SGIP1: variants seen among roughly 807,000 people sequenced by gnomAD.
The protein encoded by SGIP1 is SH3GL interacting endocytic adaptor 1, also known as SH3-containing GRB2-like protein 3-interacting protein 1.
SGIP1 carries 38 observed loss-of-function variants against 107.5 expected under a neutral mutation model. That is an observed-to-expected ratio of 0.35 (90% CI 0.27 to 0.46). The LOEUF (loss-of-function observed/expected upper bound fraction) is 0.46, where lower values mean the gene tolerates loss of function less well. Among genes scored for constraint, SGIP1 ranks in the 20% least tolerant of loss-of-function variants. The probability of loss-of-function intolerance (pLI) is 1.00; values close to 1 mark genes in which losing one functional copy is unlikely to be tolerated. For missense variants in SGIP1, 929 were observed against 1,019.5 expected, an observed-to-expected ratio of 0.91 and a Z score of 1.21; for synonymous variants, 365 against 366.1, an observed-to-expected ratio of 1.00 and a Z score of 0.03.
chr1:66,693,284 A>AAATAAATAAATAAATAAATG (rs1479297873), intron 17 of SGIP1, among the ~76,000 whole-genome samples: 67 of 151,386 alleles, frequency 4.4e-4, no homozygotes, highest in African/African-American at 1.5e-3. Flanking sequence ...ATAAATAAAT[A>AAATAAATAAATAAATAAATG]AAAAACAGTA....
At chr1:66,541,412 G>T (rs2054909990) in intron 1 of SGIP1, among the ~76,000 whole-genome samples, 1 of 152,210 alleles carries the variant, frequency 6.6e-6, no homozygotes, top group South Asian at 2.1e-4. Context: ...TGCCCCTTGG[G>T]CTCATTCTTC....
rs905531184 is a variant in SGIP1 at position 66,743,188 on chromosome 1, A to G, written c.*93A>G. On this transcript the variant is annotated 3_prime_UTR_variant, in exon 25 of 25. Coordinates refer to ENST00000371037, the MANE Select transcript of SGIP1 (RefSeq NM_032291.4). ...ATTTTGGTTTGATGAAAACAAACCA[A>G]TATCTGCACTTGGGATATATCAGGT... is the stretch of plus-strand genomic sequence containing the variant. The G allele has an allele frequency of 1.2e-5, 15 of 1,301,150 alleles. No homozygotes were observed. The highest frequency in any genetic ancestry group is 2.9e-5 in the African/African-American group (2 of 68,544). 80.6% of individuals were successfully genotyped at this position (1,301,150 alleles called of 1,614,324 possible).
chr1:66,630,909 AGGGAGGGAGGGAGGAAGGAAGGAAG>A (rs1558134829), intron 2 of SGIP1, among the ~76,000 whole-genome samples: 9 of 48,166 alleles, frequency 1.9e-4, no homozygotes, highest in South Asian at 3.0e-3. Flanking sequence ...GAAAGAAGGG[AGGGAGGGAGGGAGGAAGGAAGGAAG>A]GAAAGAAAGA....
chr1:66,570,335 T>C (rs1454990979), intron 1 of SGIP1, among the ~76,000 whole-genome samples: 1 of 151,888 alleles, frequency 6.6e-6, no homozygotes, highest in Non-Finnish European at 1.5e-5. Flanking sequence ...AGTTGATTCC[T>C]CCATTGCTAT....
intron 1 of SGIP1, chr1:66,616,068 G>A (rs1017482423): frequency 6.6e-6 from 1 of 152,166 alleles, no homozygotes; most frequent in Admixed American, 6.5e-5. Flanking sequence ...CAAAGAGAAG[G>A]CTTCATCAAT....
At chr1:66,601,274 A>G (rs1468394278) in intron 1 of SGIP1, among the ~76,000 whole-genome samples, 4 of 152,196 alleles carry the variant, frequency 2.6e-5, no homozygotes, top group Non-Finnish European at 5.9e-5. Context: ...CTGAGTCAGG[A>G]GAATGGCGTG....
intron 16 of SGIP1, among the ~76,000 whole-genome samples, chr1:66,689,733 A>C (rs1190837771): frequency 6.6e-6 from 1 of 152,248 alleles, no homozygotes; most frequent in Non-Finnish European, 1.5e-5. Flanking sequence ...TTTAAGGCTG[A>C]GGAGTGGAAA....
At chr1:66,726,574 A>G (rs1306860196) in intron 19 of SGIP1, among the ~76,000 whole-genome samples, 1 of 152,220 alleles carries the variant, frequency 6.6e-6, no homozygotes. Context: ...GAATCCAGAA[A>G]TTGACTCACA....
At chr1:66,689,055 A>T (rs113054758) in intron 15 of SGIP1, 93 bp from the exon 16 acceptor site, 2 of 1,450,928 alleles carry the variant, frequency 1.4e-6, no homozygotes. Context: ...GGCAAAAAAA[A>T]AAAAAAAAAT....
chr1:66,723,403 A>C (rs1411289761), intron 19 of SGIP1, among the ~76,000 whole-genome samples: 2 of 152,176 alleles, frequency 1.3e-5, no homozygotes. Context: ...TCTGACATGT[A>C]AGACTTTCTC....
chr1:66,628,019 T>C (rs530398400), intron 2 of SGIP1, among the ~76,000 whole-genome samples: 203 of 151,842 alleles, frequency 1.3e-3, no homozygotes, highest in Non-Finnish European at 2.1e-3. Context: ...GTCCTCGCGA[T>C]AGTTTGCTGA....
intron 15 of SGIP1, among the ~76,000 whole-genome samples, chr1:66,682,866 C>A (rs2087106758): frequency 6.6e-6 from 1 of 151,236 alleles, no homozygotes; most frequent in South Asian, 2.1e-4. Flanking sequence ...GTGGAAGAAC[C>A]ACGTTAACCC....
At chr1:66,575,625 A>G (rs2060958986) in intron 1 of SGIP1, among the ~76,000 whole-genome samples, 2 of 152,268 alleles carry the variant, frequency 1.3e-5, no homozygotes, top group Admixed American at 1.3e-4. Flanking sequence ...GTTTTCACCA[A>G]TAGAAAAATG....
intron 1 of SGIP1, among the ~76,000 whole-genome samples, chr1:66,607,428 G>A (rs1359597300): frequency 6.6e-6 from 1 of 152,196 alleles, no homozygotes; most frequent in Non-Finnish European, 1.5e-5. Context: ...GCCCACCATT[G>A]GCCACTAGCT....
intron 1 of SGIP1, among the ~76,000 whole-genome samples, chr1:66,549,693 G>A (rs753787778): frequency 5.9e-5 from 9 of 152,144 alleles, no homozygotes; most frequent in Non-Finnish European, 1.0e-4. Flanking sequence ...CTTGCTACAA[G>A]ATGATACCAA....
intron 1 of SGIP1, among the ~76,000 whole-genome samples, chr1:66,617,279 C>T (rs2069587772): frequency 6.6e-6 from 1 of 152,088 alleles, no homozygotes; most frequent in South Asian, 2.1e-4. Flanking sequence ...CTCTTATACC[C>T]TAGGCAGTAG....
chr1:66,671,075 C>A, intron 10 of SGIP1, 56 bp downstream of exon 10: 1 of 902,170 alleles, frequency 1.1e-6, no homozygotes, highest in Non-Finnish European at 1.7e-6. Flanking sequence ...AGAACAGTTC[C>A]TTGGATCTTG....
chr1:66,686,431 T>C (rs1402899967), intron 15 of SGIP1, among the ~76,000 whole-genome samples: 1 of 152,224 alleles, frequency 6.6e-6, no homozygotes, highest in Non-Finnish European at 1.5e-5. Context: ...ACAGTGTTGC[T>C]GTCCAAATCA....
chr1:66,705,943 C>T (rs1024755756), intron 18 of SGIP1, among the ~76,000 whole-genome samples: 4 of 151,842 alleles, frequency 2.6e-5, no homozygotes, highest in South Asian at 2.1e-4. Context: ...AACTGGGTGA[C>T]GGGTTGACGG....
Sources: allele counts gnomAD v4.1 joint callset (sites outside exome capture counted in the v4.1 genomes callset), GRCh38; gene constraint gnomAD v4.1.1; transcripts MANE v1.5; gene names NCBI Gene and HGNC (gene_info 2026-07-23, HGNC 2026-07-21).